Variants in CACNG2 observed in about 807,000 individuals in gnomAD.
The protein encoded by CACNG2 is voltage-dependent calcium channel gamma-2 subunit.
In CACNG2, 3 loss-of-function variants were observed where a neutral mutation model predicts 25.9. The ratio of observed to expected loss-of-function variants is 0.12; its 90% CI spans 0.05 to 0.30. The LOEUF is 0.30. CACNG2 is among the 10% of genes least tolerant of loss of function. The pLI is 1.00. For synonymous variants in CACNG2, 167 were observed against 173.3 expected, an observed-to-expected ratio of 0.96 and a Z score of 0.29; for missense variants, 341 against 432.5, an observed-to-expected ratio of 0.79 and a Z score of 1.88.
intron 1 of CACNG2, among the ~76,000 whole-genome samples, chr22:36,615,303 G>T (rs16997040): frequency 0.085 from 12,966 of 152,206 alleles, 1,865 homozygotes; most frequent in African/African-American, 0.3. Flanking sequence ...CTGCCCAGTG[G>T]TTGGATTTCC....
At chr22:36,690,075 CT>C (rs1937249289) in intron 1 of CACNG2, among the ~76,000 whole-genome samples, 2 of 152,254 alleles carry the variant, frequency 1.3e-5, no homozygotes, top group African/African-American at 2.4e-5. Flanking sequence ...CCTGTCTGCG[CT>C]GGTGTCATTT....
At chr22:36,615,766 T>C (rs1168970718) in intron 1 of CACNG2, among the ~76,000 whole-genome samples, 2 of 87,618 alleles carry the variant, frequency 2.3e-5, no homozygotes, top group Non-Finnish European at 5.0e-5. Flanking sequence ...CAGTAAATAT[T>C]TGTGGAACAG....
At chr22:36,651,075 T>C (rs1317845549) in intron 1 of CACNG2, among the ~76,000 whole-genome samples, 3 of 152,164 alleles carry the variant, frequency 2.0e-5, no homozygotes, top group African/African-American at 7.2e-5. Context: ...CTTTTTCTCC[T>C]TAGCTCTTGT....
chr22:36,627,322 A>C (rs1047424872), intron 1 of CACNG2, among the ~76,000 whole-genome samples: 1 of 102,256 alleles, frequency 9.8e-6, no homozygotes, highest in East Asian at 2.8e-4. Context: ...GTGTGTGTGT[A>C]GAGGGAGAGA....
chr22:36,702,177 A>G (rs764829472), intron 1 of CACNG2, among the ~76,000 whole-genome samples, 189 bp downstream of exon 1: 10 of 151,842 alleles, frequency 6.6e-5, no homozygotes, highest in Non-Finnish European at 1.3e-4. Context: ...GCGAGGGAGT[A>G]GAGTATGGGT....
rs2146025191 is a variant in CACNG2 at position 36,703,254 on chromosome 22, G to GCGGCGA, written c.-679_-678insTCGCCG. On this transcript the variant is annotated 5_prime_UTR_variant, in exon 1 of 4. Coordinates refer to ENST00000300105, the MANE Select transcript of CACNG2 (RefSeq NM_006078.5). ...TGCCCGGGCAGCGGCGGCGGCGGCG[G>GCGGCGA]CGGCGGCGGCAGGGCGGGCAGGCGC... 1 of 159,656 alleles carries GCGGCGA rather than the reference G, an allele frequency of 6.3e-6. No homozygotes were observed. The highest frequency in any genetic ancestry group is 2.4e-5 in the African/African-American group (1 of 41,064). The allele number at this position is 159,656 out of a possible 1,614,324, so 9.9% of individuals were successfully genotyped here.
At position 36,673,055 on chromosome 22, in the gene CACNG2, G is replaced by A. The variant is rs576794439; in HGVS notation, c.211+29311C>T. Among the ~76,000 whole-genome samples, 20 of 152,292 alleles carry A rather than the reference G, an allele frequency of 1.3e-4. 2 individuals are homozygous for A. In the South Asian group the frequency reaches 3.7e-3, roughly 28 times the overall value. On this transcript the variant is annotated intron_variant, in intron 1 of 3. Transcript: ENST00000300105. Reference sequence around the variant, plus strand: ...AGCCTGGGCAACAAGGCAAAACCCTGTCTCTACAAAAAACACAAAAATTAG... The same window carrying A: ...AGCCTGGGCAACAAGGCAAAACCCTATCTCTACAAAAAACACAAAAATTAG...
chr22:36,601,277 C>T (rs1935750096), intron 1 of CACNG2, among the ~76,000 whole-genome samples: 1 of 152,102 alleles, frequency 6.6e-6, no homozygotes, highest in African/African-American at 2.4e-5. Flanking sequence ...CTGTGTCTGG[C>T]TTATTTCACT....
intron 2 of CACNG2, among the ~76,000 whole-genome samples, chr22:36,572,984 G>A (rs1371043603): frequency 2.0e-5 from 3 of 152,216 alleles, no homozygotes; most frequent in Non-Finnish European, 4.4e-5. Context: ...ATACTCTCAT[G>A]AAGGACATGT....
chr22:36,602,133 C>G lies in CACNG2; in HGVS notation c.212-14585G>C, dbSNP rs139945157. Among the ~76,000 whole-genome samples, 15 of 152,108 alleles carry G rather than the reference C, an allele frequency of 9.9e-5. No homozygotes were observed. In the East Asian group the frequency reaches 2.9e-3, roughly 29 times the overall value. ...TTTAATGTCATCTTTGGAGAAATGC[C>G]TATTAAAGTCCTCTGCTCATTTTTA... is the stretch of plus-strand genomic sequence containing the variant. On this transcript the variant is annotated intron_variant, in intron 1 of 3. Transcript: ENST00000300105.
In CACNG2 at chr22:36,645,536, CAAAAAAAAAAAAAAAA is replaced by C. The variant is rs200600420; in HGVS notation, c.211+56814_211+56829del. On this transcript the variant is annotated intron_variant, in intron 1 of 3. Transcript: ENST00000300105. ...TGGGCGACAGAGCAAGACTCTGTCT[CAAAAAAAAAAAAAAAA>C]AAAAAAAAAAAAAAGAAATGCTAGT... is the stretch of plus-strand genomic sequence containing the variant. Among the ~76,000 whole-genome samples, 55 of 134,872 alleles carry C rather than the reference CAAAAAAAAAAAAAAAA, an allele frequency of 4.1e-4. 1 individual carries two copies. The highest frequency in any genetic ancestry group is 5.5e-4 in the Non-Finnish European group (34 of 62,202). 88.5% of individuals were successfully genotyped at this position (134,872 alleles called of 152,430 possible). A position where few individuals can be genotyped will look rare whatever the true frequency, so the allele number is the denominator to read the frequency against.
intron 1 of CACNG2, among the ~76,000 whole-genome samples, chr22:36,601,597 G>A (rs946753331): frequency 2.6e-5 from 4 of 152,094 alleles, no homozygotes; most frequent in African/African-American, 7.2e-5. Flanking sequence ...GGGTTCAAGC[G>A]ATTCTCATGC....
intron 1 of CACNG2, among the ~76,000 whole-genome samples, chr22:36,626,126 G>A (rs962162771): frequency 3.9e-5 from 6 of 152,122 alleles, no homozygotes; most frequent in African/African-American, 1.2e-4. Flanking sequence ...CACCATGTTG[G>A]CCAGGCTGGT....
intron 1 of CACNG2, among the ~76,000 whole-genome samples, chr22:36,595,855 G>A (rs1053224273): frequency 3.5e-4 from 53 of 152,252 alleles, no homozygotes; most frequent in Non-Finnish European, 4.4e-5. Context: ...CCGCTGAGGC[G>A]GAAAGGCCAA....
intron 1 of CACNG2, among the ~76,000 whole-genome samples, chr22:36,666,651 T>C (rs925269103): frequency 4.1e-4 from 62 of 151,976 alleles, no homozygotes; most frequent in South Asian, 4.2e-4. Flanking sequence ...TCTACACTTA[T>C]AGATTGCTGA....
intron 1 of CACNG2, among the ~76,000 whole-genome samples, chr22:36,673,018 G>C (rs1428487951): frequency 6.6e-6 from 1 of 152,202 alleles, no homozygotes; most frequent in Non-Finnish European, 1.5e-5. Context: ...TTGAGTCCAG[G>C]AGTTCGAGAT....
At chr22:36,669,650 A>G (rs754740810) in intron 1 of CACNG2, among the ~76,000 whole-genome samples, 17 of 151,850 alleles carry the variant, frequency 1.1e-4, no homozygotes, top group Non-Finnish European at 2.4e-4. Flanking sequence ...TGCTCATGTC[A>G]GCACTCTCTT....
intron 2 of CACNG2, among the ~76,000 whole-genome samples, chr22:36,584,314 C>T (rs1935466091): frequency 6.6e-6 from 1 of 152,154 alleles, no homozygotes; most frequent in Non-Finnish European, 1.5e-5. Flanking sequence ...ATTAGCCAGG[C>T]ATGGTGGCGC....
intron 1 of CACNG2, among the ~76,000 whole-genome samples, chr22:36,657,707 A>G (rs1222019041): frequency 2.0e-5 from 3 of 152,004 alleles, no homozygotes; most frequent in Non-Finnish European, 4.4e-5. Context: ...TCTGGATACA[A>G]TAAGATTGGC....
Sources: allele counts gnomAD v4.1 joint callset (sites outside exome capture counted in the v4.1 genomes callset), GRCh38; gene constraint gnomAD v4.1.1; transcripts MANE v1.5; gene names NCBI Gene and HGNC (gene_info 2026-07-23, HGNC 2026-07-21).